The following TBC1D4 variants were observed in gnomAD, a reference collection of about 807,000 sequenced individuals.
TBC1D4 encodes the protein TBC (Tre-2, BUB2, CDC16) domain-containing protein.
A neutral mutation model predicts 142.5 loss-of-function variants in TBC1D4; 121 were observed. The observed-to-expected ratio is 0.85, with a 90% confidence interval of 0.73 to 0.99. The LOEUF (loss-of-function observed/expected upper bound fraction) is 0.99, where lower values mean the gene tolerates loss of function less well. Ranked by LOEUF, TBC1D4 falls within the 50% of genes least tolerant of loss-of-function variation. The pLI is 0.00. For synonymous variants in TBC1D4, 630 were observed against 628.2 expected (o/e 1.00, Z -0.04); for missense variants, 1,475 against 1,606.6 (o/e 0.92, Z 1.40).
rs17064542 is a variant in TBC1D4, at chr13:75,479,559, A to C, written c.498+1711T>G. ...ACTAAAGGTGCCAGGACCATCAATG[A>C]GATTAGCAACAATGTGTCATGCATC... is the stretch of plus-strand genomic sequence containing the variant. On this transcript the variant is annotated intron_variant, in intron 1 of 20. Transcript: ENST00000377636. Among the ~76,000 whole-genome samples, 682 of 152,290 alleles carry C rather than the reference A, an allele frequency of 4.5e-3. 5 individuals carry two copies. The highest frequency in any genetic ancestry group is 0.016 in the African/African-American group (651 of 41,558).
intron 19 of TBC1D4, among the ~76,000 whole-genome samples, chr13:75,289,570 A>G (rs1468646447): frequency 1.3e-5 from 2 of 152,162 alleles, no homozygotes; most frequent in African/African-American, 4.8e-5. Context: ...TACTGTAATA[A>G]AGCAACCAAA....
intron 4 of TBC1D4, among the ~76,000 whole-genome samples, chr13:75,355,930 A>G (rs572855189): frequency 6.6e-6 from 1 of 152,348 alleles, no homozygotes; most frequent in East Asian, 1.9e-4. Context: ...GACTGGGTTT[A>G]TTAAACCCAC....
intron 10 of TBC1D4, 135 bp from the exon 11 acceptor site, chr13:75,324,536 A>G (rs1400948240): frequency 4.8e-6 from 5 of 1,033,488 alleles, no homozygotes; most frequent in Non-Finnish European, 7.0e-6. Flanking sequence ...TGGATCTTAC[A>G]TGAAAAAAAA....
rs772373595 is a variant in TBC1D4 at position 75,362,364 on chromosome 13, G to A, written c.742C>T (p.Pro248Ser). 1.2e-6 allele frequency: 2 copies of A among 1,614,206 alleles called. No individual in the cohort carries two copies. The highest frequency in any genetic ancestry group is 1.7e-5 in the Admixed American group (1 of 60,034). Residue 248 changes from proline to serine, a missense_variant, in exon 2 of 21, where the codon CCA becomes TCA. Physicochemically the swap from Pro to Ser is moderately conservative, Grantham distance 74 (BLOSUM62 -1). Around this residue, in one of 2 missense-constraint regions of TBC1D4, gnomAD observed 1,227 missense variants for 1,267.7 expected, o/e 0.97. Coordinates refer to ENST00000377636, the MANE Select transcript of TBC1D4 (RefSeq NM_014832.5). The surrounding 1 kb of genome is among the most constrained non-coding windows in gnomAD (Gnocchi z 4.2). Reference sequence around the variant, plus strand: ...TCCAAGTCAGCCAGGTCCTCTCCTGGGTCCGGACCGCGCTGCTCCCCTTGG... The same window carrying A: ...TCCAAGTCAGCCAGGTCCTCTCCTGAGTCCGGACCGCGCTGCTCCCCTTGG... ...KIQGEQRGPD[P>S]GEDLADLEVV... is the part of the protein sequence containing the mutation.
chr13:75,324,741 A>C (rs1879085165), intron 10 of TBC1D4, among the ~76,000 whole-genome samples: 1 of 152,256 alleles, frequency 6.6e-6, no homozygotes, highest in Non-Finnish European at 1.5e-5. Flanking sequence ...AAGCACAAAT[A>C]ATTACAGGAA....
At chr13:75,400,320 T>C (rs1234345073) in intron 1 of TBC1D4, among the ~76,000 whole-genome samples, 1 of 152,142 alleles carries the variant, frequency 6.6e-6, no homozygotes, top group East Asian at 1.9e-4. Context: ...GTTCCCATCA[T>C]TTTTTGCATG....
chr13:75,370,887 A>AAGACAG (rs1040109755), intron 1 of TBC1D4, among the ~76,000 whole-genome samples: 3 of 152,088 alleles, frequency 2.0e-5, no homozygotes, highest in Non-Finnish European at 4.4e-5. Flanking sequence ...CAGAGAGAGA[A>AAGACAG]AGACAGAGAC....
chr13:75,481,796 G>A lies in TBC1D4; in HGVS notation c.-29C>T, dbSNP rs1168933495. 8.8e-6 allele frequency: 13 copies of A among 1,474,576 alleles called. No homozygotes were observed. Among genetic ancestry groups the A allele is most frequent in the Non-Finnish European group, 1.2e-5 (13 of 1,122,050 alleles). 91.3% of individuals were successfully genotyped at this position (1,474,576 alleles called of 1,614,324 possible). On this transcript the variant is annotated 5_prime_UTR_variant, in exon 1 of 21. Transcript: ENST00000377636. ...TCTCGCCTCACCAGGGCACCGCGGA[G>A]GCCGGCCGGGCGCACCGCGCCCCCC...
At chr13:75,382,933 G>A (rs1041245158) in intron 1 of TBC1D4, among the ~76,000 whole-genome samples, 4 of 152,120 alleles carry the variant, frequency 2.6e-5, no homozygotes, top group African/African-American at 9.7e-5. Context: ...AAGTTTACAT[G>A]AACCTCACAT....
Position 75,320,057 on chromosome 13 carries a change from A to T in TBC1D4, c.2199-20T>A, listed in dbSNP as rs998651563. 3.1e-6 allele frequency: 5 copies of T among 1,613,126 alleles called. No individual in the cohort carries two copies. Among genetic ancestry groups the T allele is most frequent in the Non-Finnish European group, 4.2e-6 (5 of 1,179,518 alleles). On this transcript the variant is annotated intron_variant, in intron 11 of 20. Transcript: ENST00000377636. ...TCTTGTCTGGTACAACAGGAAAACA[A>T]GGAATGGAATTAGCACACACAAATA...
rs56176942 is a variant in TBC1D4, at chr13:75,402,654, AACACACAC to A, written c.499-40055_499-40048del. Among the ~76,000 whole-genome samples the A allele has an allele frequency of 3.0e-3, 432 of 142,440 alleles. 1 individual carries two copies. Among genetic ancestry groups the A allele is most frequent in the Non-Finnish European group, 2.9e-3 (189 of 65,336 alleles). The allele number at this position is 142,440 out of a possible 152,430, so 93.4% of individuals were successfully genotyped here. ...TCCATGTGGTCTTCCATCCCTAGTAAACACACACACACACACACACACACACACACACA... is the reference window on the plus strand; with the variant it reads ...TCCATGTGGTCTTCCATCCCTAGTAAACACACACACACACACACACACACA... On this transcript the variant is annotated intron_variant, in intron 1 of 20. Transcript: ENST00000377636.
At chr13:75,445,224 A>G (rs1887224513) in intron 1 of TBC1D4, among the ~76,000 whole-genome samples, 1 of 152,246 alleles carries the variant, frequency 6.6e-6, no homozygotes. Context: ...AGAAATTTAA[A>G]TAATCTATGT....
intron 1 of TBC1D4, among the ~76,000 whole-genome samples, chr13:75,380,606 T>TTTCA (rs1883785112): frequency 2.0e-5 from 3 of 152,164 alleles, no homozygotes; most frequent in Non-Finnish European, 4.4e-5. Flanking sequence ...ATTTCCTTCA[T>TTTCA]TTCACCTTCT....
chr13:75,342,430 C>T (rs1029290027), intron 5 of TBC1D4, among the ~76,000 whole-genome samples: 2 of 152,162 alleles, frequency 1.3e-5, no homozygotes, highest in Non-Finnish European at 2.9e-5. Flanking sequence ...GGCAAGACTA[C>T]GGCTTTGACA....
At chr13:75,298,611 G>A (rs1593876233) in intron 17 of TBC1D4, among the ~76,000 whole-genome samples, 2 of 152,184 alleles carry the variant, frequency 1.3e-5, no homozygotes, top group African/African-American at 4.8e-5. Context: ...AAATTAGCCA[G>A]GCATGGTGGC....
chr13:75,382,591 C>T (rs749883961), intron 1 of TBC1D4, among the ~76,000 whole-genome samples: 5 of 152,042 alleles, frequency 3.3e-5, no homozygotes, highest in African/African-American at 7.2e-5. Flanking sequence ...AAAACAGATG[C>T]CCTATTCAGT....
intron 5 of TBC1D4, among the ~76,000 whole-genome samples, chr13:75,341,868 C>T (rs1880735848): frequency 6.6e-6 from 1 of 152,210 alleles, no homozygotes; most frequent in African/African-American, 2.4e-5. Flanking sequence ...AATCCCAACA[C>T]TTTGGGAGGT....
chr13:75,427,399 G>C (rs1223812036), intron 1 of TBC1D4, among the ~76,000 whole-genome samples: 1 of 152,126 alleles, frequency 6.6e-6, no homozygotes, highest in African/African-American at 2.4e-5. Context: ...TTTCAAGATG[G>C]GTGCAGTGGC....
chr13:75,470,400 C>T (rs1436244607), intron 1 of TBC1D4, among the ~76,000 whole-genome samples: 1 of 152,194 alleles, frequency 6.6e-6, no homozygotes, highest in Non-Finnish European at 1.5e-5. Context: ...GCATCAACAT[C>T]ACCTGGGAAC....
Sources: allele counts gnomAD v4.1 joint callset (sites outside exome capture counted in the v4.1 genomes callset), GRCh38; gene constraint gnomAD v4.1.1; regional missense constraint gnomAD v4.1.1; non-coding constraint Gnocchi (gnomAD v3.1); transcripts MANE v1.5; gene names NCBI Gene and HGNC (gene_info 2026-07-23, HGNC 2026-07-21).